WDR81: variants seen among roughly 807,000 people sequenced by gnomAD.
WDR81 encodes the protein WD repeat domain 81.
In WDR81, 92 loss-of-function variants were observed where a neutral mutation model predicts 140.8. The ratio of observed to expected loss-of-function variants is 0.65; its 90% CI spans 0.55 to 0.78. The LOEUF (loss-of-function observed/expected upper bound fraction) is 0.78, where lower values mean the gene tolerates loss of function less well. Ranked by LOEUF, WDR81 falls within the 30% of genes least tolerant of loss-of-function variation. The pLI, the probability that WDR81 is intolerant of heterozygous loss-of-function variation, is 0.00. For missense variants in WDR81, 2,502 were observed against 2,636.4 expected (o/e 0.95, Z 1.12); for synonymous variants, 1,183 against 1,156.4 (o/e 1.02, Z -0.47).
chr17:1,733,338 A>G (rs1332231450), intron 6 of WDR81, among the ~76,000 whole-genome samples, 189 bp from the exon 7 acceptor site: 2 of 152,224 alleles, frequency 1.3e-5, no homozygotes, highest in African/African-American at 4.8e-5. Context: ...GAAGATGCTC[A>G]TGTGTACATC....
chr17:1,728,225 T>TCTATGTGACTGAGTCTCCCCAGCCC lies in WDR81; in HGVS notation c.3268_3292dup (p.Gln1098LeufsTer4). 1 of 1,606,704 alleles carries TCTATGTGACTGAGTCTCCCCAGCCC rather than the reference T, an allele frequency of 6.2e-7. No homozygotes were observed. The highest frequency in any genetic ancestry group is 8.5e-7 in the Non-Finnish European group (1 of 1,175,438). On this transcript the variant is annotated frameshift_variant, in exon 1 of 10. Coordinates refer to ENST00000409644, the MANE Select transcript of WDR81 (RefSeq NM_001163809.2). LOFTEE classifies it high-confidence loss of function. ...GAGACAGAGGACTTCCAAGCCGGGC[T>TCTATGTGACTGAGTCTCCCCAGCCC]CTATGTGACTGAGTCTCCCCAGCCC...
At chr17:1,722,656 TCTC>T (rs955839075), upstream of WDR81, among the ~76,000 whole-genome samples, 94 of 149,600 alleles carry the variant, frequency 6.3e-4, no homozygotes, top group African/African-American at 2.2e-3. Flanking sequence ...TCCTATTTTC[TCTC>T]CTATCAGGCC....
At position 1,732,412 on chromosome 17, in the gene WDR81, G is replaced by C; in HGVS notation, c.4245G>C (p.Glu1415Asp). The C allele has an allele frequency of 6.2e-7, 1 of 1,613,612 alleles. No individual in the cohort carries two copies. The highest frequency in any genetic ancestry group is 1.1e-5 in the South Asian group (1 of 91,080). ...IALICLRIGQEMVQQHLSEPV... is the reference protein window; with the variant it reads ...IALICLRIGQDMVQQHLSEPV... ...TCATCTGCCTGCGCATTGGACAGGA[G>C]ATGGTCCAGCAGCACCTGAGCGAGC... The change falls in exon 5 of 10, where the codon GAG (glutamate) becomes GAC (aspartate). Residue 1415 changes from glutamate to aspartate, a missense_variant. By Grantham distance (45) the Glu-to-Asp change is conservative. Around this residue, in one of 3 missense-constraint regions of WDR81, gnomAD observed 1,737 missense variants for 1,843.0 expected, o/e 0.94. Transcript: ENST00000409644.
At chr17:1,733,472 G>C in intron 6 of WDR81, 55 bp from the exon 7 acceptor site, 1 of 1,490,540 alleles carries the variant, frequency 6.7e-7, no homozygotes, top group South Asian at 1.4e-5. Context: ...TTGGATGGGT[G>C]ATAGCAGCCG....
Position 1,727,361 on chromosome 17 carries a change from A to G in WDR81, c.2402A>G (p.Gln801Arg). The change falls in exon 1 of 10, where the codon CAG becomes CGG. Residue 801 changes from glutamine to arginine, a missense_variant. Gln to Arg is a conservative substitution (Grantham distance 43). Transcript: ENST00000409644. Reference protein sequence around the residue: ...QPDAPLWVRFQAVRGLCTRHP... With the variant: ...QPDAPLWVRFRAVRGLCTRHP... Reference sequence around the variant, plus strand: ...GATGCACCTTTGTGGGTACGCTTCCAGGCTGTCCGAGGGCTCTGCACGCGC... The same window carrying G: ...GATGCACCTTTGTGGGTACGCTTCCGGGCTGTCCGAGGGCTCTGCACGCGC... 2 of 1,550,080 alleles carry G rather than the reference A, an allele frequency of 1.3e-6. No individual in the cohort carries two copies. The highest frequency in any genetic ancestry group is 8.7e-7 in the Non-Finnish European group (1 of 1,146,964).
chr17:1,724,635 G>A (rs1259148850), upstream of WDR81: 3 of 1,015,292 alleles, frequency 3.0e-6, no homozygotes, highest in East Asian at 9.6e-5. Flanking sequence ...GCAGGAAGCG[G>A]GGTCCCGCCC....
At position 1,735,691 on chromosome 17, in the gene WDR81, G is replaced by A. The variant is rs1216937592; in HGVS notation, c.5299G>A (p.Val1767Met). The change falls in exon 8 of 10, where the codon GTG becomes ATG. Residue 1767 changes from valine (V) to methionine (M), a missense_variant. Around this residue, in one of 3 missense-constraint regions of WDR81, gnomAD observed 1,737 missense variants for 1,843.0 expected, o/e 0.94. Transcript: ENST00000409644. This position sits in a 1 kb window ranked among gnomAD's most constrained non-coding sequence, Gnocchi z 4.2. ...MASSDSTLRFVDCRKPGLQHE... is the reference protein window; with the variant it reads ...MASSDSTLRFMDCRKPGLQHE... ...CAGCTCTGACTCTACCCTGCGCTTTGTGGACTGCAGGAAGCCTGGTCTGCA... is the reference window on the plus strand; with the variant it reads ...CAGCTCTGACTCTACCCTGCGCTTTATGGACTGCAGGAAGCCTGGTCTGCA... 1 of 1,612,824 alleles carries A rather than the reference G, an allele frequency of 6.2e-7. No homozygotes were observed. Among genetic ancestry groups the A allele is most frequent in the Non-Finnish European group, 8.5e-7 (1 of 1,179,824 alleles).
Position 1,730,391 on chromosome 17 carries a change from A to G in WDR81, c.3679A>G (p.Lys1227Glu), listed in dbSNP as rs1212673111. ...EQKILLDTAC[K>E]MVRWLSAKLG... ...CTCCCACCCCGCAGATACAGCCTGC[A>G]AGATGGTCCGCTGGCTGTCTGCCAA... The change falls in exon 2 of 10, where the codon AAG becomes GAG. Residue 1227 changes from lysine to glutamate, a missense_variant. This residue lies in a region of WDR81 where 1,737 missense variants were observed against 1,843.0 expected (regional missense o/e 0.94). Transcript: ENST00000409644. 2 of 1,612,468 alleles carry G rather than the reference A, an allele frequency of 1.2e-6. No homozygotes were observed. The highest frequency in any genetic ancestry group is 1.7e-6 in the Non-Finnish European group (2 of 1,179,732).
intron 4 of WDR81, 93 bp downstream of exon 4, chr17:1,731,351 T>C: frequency 7.1e-7 from 1 of 1,405,078 alleles, no homozygotes; most frequent in Non-Finnish European, 9.6e-7. Flanking sequence ...GACGTAACAC[T>C]GGACTGGGTG....
At position 1,724,763 on chromosome 17, in the gene WDR81, C is replaced by A; in HGVS notation, c.-197C>A. On this transcript the variant is annotated 5_prime_UTR_variant, in exon 1 of 10. Coordinates refer to ENST00000409644, the MANE Select transcript of WDR81 (RefSeq NM_001163809.2). Reference sequence around the variant, plus strand: ...CCCGGCAGCCTCTGCCCCGCCGCGCCCGGAGCGCAGGACCCGCGGAGGGGT... The same window carrying A: ...CCCGGCAGCCTCTGCCCCGCCGCGCACGGAGCGCAGGACCCGCGGAGGGGT... The A allele has an allele frequency of 3.5e-6, 4 of 1,145,332 alleles. No homozygotes were observed. The highest frequency in any genetic ancestry group is 4.3e-6 in the Non-Finnish European group (4 of 932,840). The allele number at this position is 1,145,332 out of a possible 1,614,324, so 70.9% of individuals were successfully genotyped here. A position where few individuals can be genotyped will look rare whatever the true frequency, so the allele number is the denominator to read the frequency against.
chr17:1,723,457 T>TTA (rs60606428), upstream of WDR81, among the ~76,000 whole-genome samples: 444 of 130,526 alleles, frequency 3.4e-3, 5 homozygotes, highest in African/African-American at 0.01. Flanking sequence ...ATTTATTTAT[T>TTA]TTTATTTATT....
chr17:1,732,272 T>A (rs977617548), intron 4 of WDR81, 53 bp from the exon 5 acceptor site: 23 of 1,582,322 alleles, frequency 1.5e-5, no homozygotes, highest in Non-Finnish European at 1.8e-5. Flanking sequence ...TTTGCTAGAT[T>A]CTGGTCAAGT....
chr17:1,729,269 T>G (rs1303680289), intron 1 of WDR81, among the ~76,000 whole-genome samples: 3 of 151,522 alleles, frequency 2.0e-5, no homozygotes, highest in Admixed American at 6.6e-5. Flanking sequence ...CACTTGAGGT[T>G]AGGAGTTCGA....
At position 1,737,808 on chromosome 17, in the gene WDR81, C is replaced by T; in HGVS notation, c.*123C>T. ...CTGGGTCCCACGCCCTGGGTGCCCA[C>T]ATGGCCTGCCAACTAGGGCCTGCAA... On this transcript the variant is annotated 3_prime_UTR_variant, in exon 10 of 10. Transcript: ENST00000409644. The T allele has an allele frequency of 1.6e-6, 2 of 1,251,738 alleles. No homozygotes were observed. The highest frequency in any genetic ancestry group is 1.6e-5 in the South Asian group (1 of 64,476). 77.5% of individuals were successfully genotyped at this position (1,251,738 alleles called of 1,614,324 possible). A position where few individuals can be genotyped will look rare whatever the true frequency, so the allele number is the denominator to read the frequency against.
chr17:1,726,196 CT>C lies in WDR81; in HGVS notation c.1238del (p.Leu413ArgfsTer7). On this transcript the variant is annotated frameshift_variant, in exon 1 of 10. Coordinates refer to ENST00000409644, the MANE Select transcript of WDR81 (RefSeq NM_001163809.2). LOFTEE classifies it high-confidence loss of function. ...CCGCCTCAACAAGGGGGATAAGCAA[CT>C]GGACTTCACGTATGAGATGACACGG... is the stretch of plus-strand genomic sequence containing the variant. ...KFRLNKGDKQ[L>X]DFTYEMTRQA... 6.6e-7 allele frequency: 1 copy of C among 1,524,050 alleles called. No homozygotes were observed. Among genetic ancestry groups the C allele is most frequent in the Non-Finnish European group, 8.8e-7 (1 of 1,130,026 alleles). 94.4% of individuals were successfully genotyped at this position (1,524,050 alleles called of 1,614,324 possible). A position where few individuals can be genotyped will look rare whatever the true frequency, so the allele number is the denominator to read the frequency against.
rs373264779 is a variant in WDR81 at position 1,725,027 on chromosome 17, C to A, written c.68C>A (p.Pro23Gln). The A allele has an allele frequency of 2.5e-5, 36 of 1,469,136 alleles. No individual in the cohort carries two copies. Among genetic ancestry groups the A allele is most frequent in the East Asian group, 2.0e-4 (8 of 40,108 alleles). The allele number at this position is 1,469,136 out of a possible 1,614,324, so 91.0% of individuals were successfully genotyped here. The change falls in exon 1 of 10, where the codon CCA becomes CAA. Residue 23 changes from proline to glutamine, a missense_variant. Transcript: ENST00000409644. ...CCGGCCGGGGGCTGGCATTCCCCGCCAAGCCCAGACATGCAGGAGCTGCTC... is the reference window on the plus strand; with the variant it reads ...CCGGCCGGGGGCTGGCATTCCCCGCAAAGCCCAGACATGCAGGAGCTGCTC... ...RTPAGGWHSP[P>Q]SPDMQELLRS...
chr17:1,729,111 T>C (rs1267449441), intron 1 of WDR81, among the ~76,000 whole-genome samples: 2 of 152,150 alleles, frequency 1.3e-5, no homozygotes, highest in Non-Finnish European at 2.9e-5. Flanking sequence ...GATGCCGCAG[T>C]GCAGACAGTC....
Position 1,732,497 on chromosome 17 carries a change from A to C in WDR81, c.4323+7A>C, listed in dbSNP as rs1454502097. On this transcript the variant is annotated splice_region_variant and intron_variant, in intron 5 of 9. Coordinates refer to ENST00000409644, the MANE Select transcript of WDR81 (RefSeq NM_001163809.2). Reference sequence around the variant, plus strand: ...GCATGAGCTTCGGCAACAGGTGGGCAGATCTGCTGGGCCAGGGCGGGCTGG... The same window carrying C: ...GCATGAGCTTCGGCAACAGGTGGGCCGATCTGCTGGGCCAGGGCGGGCTGG... 9 of 1,507,428 alleles carry C rather than the reference A, an allele frequency of 6.0e-6. No homozygotes were observed. The highest frequency in any genetic ancestry group is 1.4e-5 in the African/African-American group (1 of 71,262). The allele number at this position is 1,507,428 out of a possible 1,614,324, so 93.4% of individuals were successfully genotyped here. A position where few individuals can be genotyped will look rare whatever the true frequency, so the allele number is the denominator to read the frequency against.
chr17:1,722,389 C>G (rs1243902783), upstream of WDR81, among the ~76,000 whole-genome samples: 4 of 150,284 alleles, frequency 2.7e-5, no homozygotes, highest in Non-Finnish European at 5.9e-5. Flanking sequence ...CTCTGTTGCC[C>G]AGGCTGGAGT....
Sources: allele counts gnomAD v4.1 joint callset (sites outside exome capture counted in the v4.1 genomes callset), GRCh38; gene constraint gnomAD v4.1.1; regional missense constraint gnomAD v4.1.1; non-coding constraint Gnocchi (gnomAD v3.1); transcripts MANE v1.5; gene names NCBI Gene and HGNC (gene_info 2026-07-23, HGNC 2026-07-21).